NXPH1: variants seen among roughly 807,000 people sequenced by gnomAD.
The protein encoded by NXPH1 is neurexophilin 1.
A neutral mutation model predicts 23.7 loss-of-function variants in NXPH1; 5 were observed. That is an observed-to-expected ratio of 0.21 (90% CI 0.11 to 0.44). The LOEUF (loss-of-function observed/expected upper bound fraction) is 0.44, where lower values mean the gene tolerates loss of function less well. Among genes scored for constraint, NXPH1 ranks in the 20% least tolerant of loss-of-function variants. The pLI, the probability that NXPH1 is intolerant of heterozygous loss-of-function variation, is 0.99. For synonymous variants in NXPH1, 144 were observed against 122.2 expected, an observed-to-expected ratio of 1.18 and a Z score of -1.18; for missense variants, 324 against 321.6, an observed-to-expected ratio of 1.01 and a Z score of -0.06.
At chr7:8,672,626 C>T (rs1407110701) in intron 2 of NXPH1, among the ~76,000 whole-genome samples, 1 of 151,758 alleles carries the variant, frequency 6.6e-6, no homozygotes, top group Non-Finnish European at 1.5e-5. Flanking sequence ...ATGGTTGAGG[C>T]AATTAATAAA....
chr7:8,729,219 T>G (rs1162907302), intron 2 of NXPH1, among the ~76,000 whole-genome samples: 4 of 150,600 alleles, frequency 2.7e-5, no homozygotes, highest in Admixed American at 2.6e-4. Context: ...GTCTATTTGA[T>G]TCTTCTCTCT....
chr7:8,672,035 C>T (rs1044223633), intron 2 of NXPH1, among the ~76,000 whole-genome samples: 2 of 152,006 alleles, frequency 1.3e-5, no homozygotes, highest in African/African-American at 2.4e-5. Context: ...AAAATTTTCT[C>T]CCATTTTGTA....
intron 2 of NXPH1, among the ~76,000 whole-genome samples, chr7:8,688,572 A>G (rs551494340): frequency 2.0e-5 from 3 of 152,210 alleles, no homozygotes; most frequent in Admixed American, 6.5e-5. Context: ...GATCTGTTGC[A>G]TGACAGGCAA....
chr7:8,468,250 A>G (rs903323123), intron 2 of NXPH1, among the ~76,000 whole-genome samples: 1 of 152,146 alleles, frequency 6.6e-6, no homozygotes, highest in Non-Finnish European at 1.5e-5. Flanking sequence ...GACAAATGTC[A>G]GACAAATGGC....
intron 2 of NXPH1, among the ~76,000 whole-genome samples, chr7:8,745,463 G>C (rs1780451131): frequency 6.6e-6 from 1 of 151,900 alleles, no homozygotes; most frequent in African/African-American, 2.4e-5. Context: ...GGAGTAGAGA[G>C]ATGTTTGTCT....
At chr7:8,709,206 C>T (rs929953335) in intron 2 of NXPH1, among the ~76,000 whole-genome samples, 30 of 152,200 alleles carry the variant, frequency 2.0e-4, no homozygotes, top group African/African-American at 7.0e-4. Flanking sequence ...TCTGCTTTGG[C>T]AGTGTGTGCT....
rs989044940 is a variant in NXPH1, at chr7:8,710,817, C to T, written c.55-40191C>T. Among the ~76,000 whole-genome samples, 46 of 137,534 alleles carry T rather than the reference C, an allele frequency of 3.3e-4. 6 individuals are homozygous for T. The highest frequency in any genetic ancestry group is 7.8e-4 in the African/African-American group (25 of 32,116). The allele number at this position is 137,534 out of a possible 152,430, so 90.2% of individuals were successfully genotyped here. On this transcript the variant is annotated intron_variant, in intron 2 of 2. Transcript: ENST00000405863. Reference sequence around the variant, plus strand: ...AGCTGGGACTACAGGCGCCCGCCACCGCGCCCGGCTAATTTTTTGTATTTT... The same window carrying T: ...AGCTGGGACTACAGGCGCCCGCCACTGCGCCCGGCTAATTTTTTGTATTTT...
At chr7:8,516,385 A>G (rs1022491273) in intron 2 of NXPH1, among the ~76,000 whole-genome samples, 1 of 152,118 alleles carries the variant, frequency 6.6e-6, no homozygotes, top group Non-Finnish European at 1.5e-5. Flanking sequence ...TACTCAGAAT[A>G]TTTGTTTCGT....
intron 2 of NXPH1, among the ~76,000 whole-genome samples, chr7:8,647,913 G>A (rs1820421438): frequency 6.6e-6 from 1 of 151,736 alleles, no homozygotes; most frequent in Non-Finnish European, 1.5e-5. Context: ...TGAAATATAT[G>A]AGTTGATGTA....
At chr7:8,714,685 C>T (rs914906952) in intron 2 of NXPH1, among the ~76,000 whole-genome samples, 8 of 152,132 alleles carry the variant, frequency 5.3e-5, no homozygotes, top group African/African-American at 1.7e-4. Flanking sequence ...GGGTCTTTCC[C>T]TTCAAGGCAG....
At chr7:8,462,333 C>T (rs1028995481) in intron 2 of NXPH1, among the ~76,000 whole-genome samples, 1 of 152,210 alleles carries the variant, frequency 6.6e-6, no homozygotes, top group African/African-American at 2.4e-5. Context: ...AGGCGTGAAC[C>T]ACTGCACCCG....
At chr7:8,494,614 C>A (rs1307739172) in intron 2 of NXPH1, among the ~76,000 whole-genome samples, 1 of 152,002 alleles carries the variant, frequency 6.6e-6, no homozygotes, top group African/African-American at 2.4e-5. Flanking sequence ...TTTTTCCCTA[C>A]CTCCAAATAC....
intron 2 of NXPH1, among the ~76,000 whole-genome samples, chr7:8,626,921 C>A (rs559053282): frequency 6.6e-6 from 1 of 152,092 alleles, no homozygotes; most frequent in Non-Finnish European, 1.5e-5. Context: ...TTACCAGGGT[C>A]TTTTTCCTGA....
chr7:8,435,505 T>G lies in NXPH1; in HGVS notation c.-110-99T>G. ...TCGTACCCTCCCTCCCTTTTTTTTTTGGTCCCCCACTCCCCGCTACGACCC... is the reference window on the plus strand; with the variant it reads ...TCGTACCCTCCCTCCCTTTTTTTTTGGGTCCCCCACTCCCCGCTACGACCC... On this transcript the variant is annotated intron_variant, in intron 1 of 2. Coordinates refer to ENST00000405863, the MANE Select transcript of NXPH1 (RefSeq NM_152745.3). This position sits in a 1 kb window ranked among gnomAD's most constrained non-coding sequence, Gnocchi z 5.9. The G allele has an allele frequency of 1.7e-6, 1 of 571,792 alleles. No individual in the cohort carries two copies. The highest frequency in any genetic ancestry group is 3.1e-6 in the Non-Finnish European group (1 of 320,460). 35.4% of individuals were successfully genotyped at this position (571,792 alleles called of 1,614,324 possible).
intron 2 of NXPH1, among the ~76,000 whole-genome samples, chr7:8,568,775 G>A (rs1293243409): frequency 1.3e-5 from 2 of 151,718 alleles, no homozygotes; most frequent in Non-Finnish European, 2.9e-5. Flanking sequence ...TTGATGGAGG[G>A]CTTTTTCTTT....
At chr7:8,516,234 A>G (rs142934682) in intron 2 of NXPH1, among the ~76,000 whole-genome samples, 225 of 152,152 alleles carry the variant, frequency 1.5e-3, no homozygotes, top group African/African-American at 4.9e-3. Flanking sequence ...ATCGTCTACT[A>G]TATCTCTTTC....
rs1215358395 is a variant in NXPH1, at chr7:8,435,805, C to T, written c.54+38C>T. The stretch of plus-strand genomic sequence containing the variant: ...AGGTTCGGGGCTTTCGCATTTTTAC[C>T]CCGGCCGGGAGGCAAGGAAACTGGG... On this transcript the variant is annotated intron_variant, in intron 2 of 2. Coordinates refer to ENST00000405863, the MANE Select transcript of NXPH1 (RefSeq NM_152745.3). This position sits in a 1 kb window ranked among gnomAD's most constrained non-coding sequence, Gnocchi z 5.9. The T allele has an allele frequency of 3.7e-6, 6 of 1,604,128 alleles. No individual in the cohort carries two copies. Among genetic ancestry groups the T allele is most frequent in the Non-Finnish European group, 5.1e-6 (6 of 1,171,260 alleles).
intron 2 of NXPH1, among the ~76,000 whole-genome samples, chr7:8,534,754 G>A (rs1163227298): frequency 2.6e-5 from 4 of 152,036 alleles, no homozygotes; most frequent in East Asian, 1.9e-4. Context: ...ACAGCGCTGT[G>A]TCAGGTAGGC....
intron 2 of NXPH1, among the ~76,000 whole-genome samples, chr7:8,555,246 A>G (rs1056792262): frequency 5.3e-5 from 8 of 151,674 alleles, no homozygotes; most frequent in Non-Finnish European, 1.2e-4. Flanking sequence ...TCAGCACTCC[A>G]TTGGAGGCTG....
Sources: allele counts gnomAD v4.1 joint callset (sites outside exome capture counted in the v4.1 genomes callset), GRCh38; gene constraint gnomAD v4.1.1; non-coding constraint Gnocchi (gnomAD v3.1); transcripts MANE v1.5; gene names NCBI Gene and HGNC (gene_info 2026-07-23, HGNC 2026-07-21).